HELLS: variants seen among roughly 807,000 people sequenced by gnomAD.
The protein encoded by HELLS is helicase, lymphoid specific.
A neutral mutation model predicts 120.0 loss-of-function variants in HELLS; 32 were observed. The observed-to-expected ratio is 0.27, with a 90% CI of 0.20 to 0.36. The LOEUF (loss-of-function observed/expected upper bound fraction) is 0.36. Ranked by LOEUF, HELLS falls within the 10% of genes least tolerant of loss-of-function variation. The pLI is 1.00. For synonymous variants in HELLS, 341 were observed against 323.4 expected, an observed-to-expected ratio of 1.05 and a Z score of -0.58; for missense variants, 650 against 993.4, an observed-to-expected ratio of 0.65 and a Z score of 4.65.
At chr10:94,560,910 G>A (rs1186726478) in intron 4 of HELLS, among the ~76,000 whole-genome samples, 2 of 151,836 alleles carry the variant, frequency 1.3e-5, no homozygotes, top group African/African-American at 2.4e-5. Context: ...ACAAAAATTA[G>A]CCAGGCATGA....
chr10:94,594,868 A>G lies in HELLS; in HGVS notation c.2248+14A>G, dbSNP rs368003157. On this transcript the variant is annotated intron_variant, in intron 19 of 21. Transcript: ENST00000348459. ...TCATCCATAAAAGTAAATAACACTT[A>G]TGTAGTGCTTTATTGTTTAAATTGT... 5.1e-6 allele frequency: 8 copies of G among 1,575,862 alleles called. No individual in the cohort carries two copies. The highest frequency in any genetic ancestry group is 6.1e-6 in the Non-Finnish European group (7 of 1,149,210).
rs781350054 is a variant in HELLS, at chr10:94,592,221, T to G, written c.1768-8T>G. 1 of 1,587,802 alleles carries G rather than the reference T, an allele frequency of 6.3e-7. No homozygotes were observed. The highest frequency in any genetic ancestry group is 2.3e-5 in the East Asian group (1 of 44,442). The stretch of plus-strand genomic sequence containing the variant: ...TCTCTATTTTTTCTTCCTTTGCCCC[T>G]CCTTAAGATCGATGAAGAATTGGTA... On this transcript the variant is annotated splice_polypyrimidine_tract_variant and splice_region_variant and intron_variant, in intron 15 of 21. Coordinates refer to ENST00000348459, the MANE Select transcript of HELLS (RefSeq NM_018063.5).
intron 6 of HELLS, among the ~76,000 whole-genome samples, chr10:94,567,778 C>G (rs1018803336): frequency 1.3e-5 from 2 of 151,984 alleles, no homozygotes; most frequent in African/African-American, 2.4e-5. Context: ...TGTGGTGGTG[C>G]ATGACTTTGG....
At position 94,574,193 on chromosome 10, in the gene HELLS, G is replaced by T. The variant is rs761380343; in HGVS notation, c.705+6G>T. 3.8e-6 allele frequency: 6 copies of T among 1,575,634 alleles called. No homozygotes were observed. Among genetic ancestry groups the T allele is most frequent in the Middle Eastern group, 1.7e-4 (1 of 5,976 alleles). On this transcript the variant is annotated splice_donor_region_variant and intron_variant, in intron 8 of 21. Coordinates refer to ENST00000348459, the MANE Select transcript of HELLS (RefSeq NM_018063.5). ...AAGGCATGGAATGGCTTAGGGTAAT[G>T]AATTGGAATTTTTAATACAAGATAC...
chr10:94,591,777 G>A (rs1317947138), intron 15 of HELLS, among the ~76,000 whole-genome samples: 1 of 152,168 alleles, frequency 6.6e-6, no homozygotes, highest in African/African-American at 2.4e-5. Flanking sequence ...TCTCTCATGA[G>A]GGAATTTCAC....
intron 7 of HELLS, among the ~76,000 whole-genome samples, chr10:94,572,258 A>G (rs1844215102): frequency 2.1e-5 from 3 of 139,956 alleles, no homozygotes; most frequent in Admixed American, 2.1e-4. Flanking sequence ...TTTTGGCTTC[A>G]TTTTATAACT....
At chr10:94,588,578 G>A (rs1056159721) in intron 13 of HELLS, among the ~76,000 whole-genome samples, 188 bp downstream of exon 13, 9 of 152,000 alleles carry the variant, frequency 5.9e-5, no homozygotes, top group African/African-American at 2.2e-4. Context: ...CTGGCATTTC[G>A]CCATGTTTCC....
chr10:94,552,202 CA>C (rs1400702346), intron 2 of HELLS, among the ~76,000 whole-genome samples: 1 of 152,054 alleles, frequency 6.6e-6, no homozygotes, highest in Non-Finnish European at 1.5e-5. Context: ...GTTGAGAAAA[CA>C]AAATACTAAA....
chr10:94,562,335 G>A (rs1843599157), intron 4 of HELLS, among the ~76,000 whole-genome samples: 1 of 152,084 alleles, frequency 6.6e-6, no homozygotes, highest in Non-Finnish European at 1.5e-5. Flanking sequence ...CCTGGCAGGC[G>A]GAGGTTGCAA....
chr10:94,574,623 A>G lies in HELLS; in HGVS notation c.775A>G (p.Ile259Val), dbSNP rs760563346. Residue 259 changes from isoleucine to valine, a missense_variant, in exon 9 of 22, where the codon ATT becomes GTT. By Grantham distance (29) the Ile-to-Val change is conservative. Transcript: ENST00000348459. ...EMGLGKTVQC[I>V]ATIALMIQRG... ...GGGATTGGGTAAGACAGTTCAGTGC[A>G]TTGCTACTATTGCATTGATGATTCA... The G allele has an allele frequency of 1.3e-5, 21 of 1,613,452 alleles. No individual in the cohort carries two copies. Among genetic ancestry groups the G allele is most frequent in the Admixed American group, 1.0e-4 (6 of 60,004 alleles).
intron 2 of HELLS, among the ~76,000 whole-genome samples, chr10:94,546,884 A>G (rs1162114503): frequency 1.3e-5 from 2 of 152,232 alleles, no homozygotes; most frequent in African/African-American, 4.8e-5. Flanking sequence ...TGCAGAAGTA[A>G]TGTACTAGAC....
intron 7 of HELLS, among the ~76,000 whole-genome samples, chr10:94,573,585 G>C (rs1478826292): frequency 6.6e-6 from 1 of 151,748 alleles, no homozygotes; most frequent in African/African-American, 2.4e-5. Context: ...TCAGCCTCCC[G>C]AGTAGCTGGG....
In HELLS at chr10:94,574,747, C is replaced by T. The variant is rs201491934; in HGVS notation, c.888+11C>T. On this transcript the variant is annotated intron_variant, in intron 9 of 21. Transcript: ENST00000348459. ...AGATTTACACCAGATGTAAGACATG[C>T]TTCCTTATGTTAAAATTATAATTTT... 5 of 1,590,772 alleles carry T rather than the reference C, an allele frequency of 3.1e-6. No individual in the cohort carries two copies. Among genetic ancestry groups the T allele is most frequent in the Non-Finnish European group, 4.3e-6 (5 of 1,165,684 alleles).
At chr10:94,575,465 CTG>C (rs1475439059) in intron 9 of HELLS, among the ~76,000 whole-genome samples, 1 of 151,056 alleles carries the variant, frequency 6.6e-6, no homozygotes, top group Non-Finnish European at 1.5e-5. Flanking sequence ...GTATCACCAT[CTG>C]TCTCATTTTA....
intron 2 of HELLS, among the ~76,000 whole-genome samples, chr10:94,551,976 G>T (rs1209993572): frequency 2.0e-5 from 3 of 151,832 alleles, no homozygotes; most frequent in African/African-American, 4.8e-5. Context: ...CCTGACCTCG[G>T]GATCCGCCCG....
intron 2 of HELLS, among the ~76,000 whole-genome samples, chr10:94,550,748 G>A (rs1023058767): frequency 1.3e-5 from 2 of 152,046 alleles, no homozygotes; most frequent in African/African-American, 4.8e-5. Flanking sequence ...AAACTAGCCG[G>A]CATGGTGGCA....
In HELLS at chr10:94,597,055, A is replaced by G; in HGVS notation, c.2366A>G (p.Glu789Gly). Residue 789 changes from glutamate to glycine, a missense_variant, in exon 21 of 22, where the codon GAG (glutamate) becomes GGG (glycine). Glu to Gly is a moderately conservative substitution (Grantham distance 98). Around this residue, in one of 9 missense-constraint regions of HELLS, gnomAD observed 90 missense variants for 109.2 expected, o/e 0.82. Transcript: ENST00000348459. The part of the protein sequence containing the change: ...DYEREIKGSR[E>G]KVISDKDLEL... ...TATAGGGAAATAAAAGGATCAAGAG[A>G]GAAGGTCATTAGTGATAAAGATCTA... 1.3e-6 allele frequency: 2 copies of G among 1,592,604 alleles called. No homozygotes were observed. Among genetic ancestry groups the G allele is most frequent in the Non-Finnish European group, 1.7e-6 (2 of 1,161,008 alleles).
intron 6 of HELLS, among the ~76,000 whole-genome samples, chr10:94,568,253 A>G (rs1158059540): frequency 1.3e-5 from 2 of 148,634 alleles, no homozygotes; most frequent in Non-Finnish European, 3.0e-5. Context: ...ATTTCCTTAC[A>G]CATTATGCAG....
chr10:94,574,792 G>A, intron 9 of HELLS, 56 bp downstream of exon 9: 1 of 1,347,928 alleles, frequency 7.4e-7, no homozygotes, highest in Non-Finnish European at 1.0e-6. Context: ...CTTATGCTTT[G>A]TTGTAGTAGG....
Sources: gnomAD v4.1 joint callset for allele counts (sites outside exome capture counted in the v4.1 genomes callset) on GRCh38, gnomAD v4.1.1 for gene constraint, gnomAD v4.1.1 regional missense constraint, MANE v1.5 for transcripts, NCBI Gene and HGNC (gene_info 2026-07-23, HGNC 2026-07-21) for gene names.